The following EHBP1 variants were observed in gnomAD, a reference collection of about 807,000 sequenced individuals.
The protein encoded by EHBP1 is EH domain-binding protein 1.
A neutral mutation model predicts 144.0 loss-of-function variants in EHBP1; 55 were observed. The ratio of observed to expected loss-of-function variants is 0.38; its 90% confidence interval spans 0.31 to 0.48. The LOEUF is 0.48. Among genes scored for constraint, EHBP1 ranks in the 20% least tolerant of loss-of-function variants. EHBP1 has a pLI of 0.98. For missense variants in EHBP1, 1,200 were observed against 1,364.2 expected (o/e 0.88, Z 1.90); for synonymous variants, 469 against 472.7 (o/e 0.99, Z 0.10).
intron 1 of EHBP1, among the ~76,000 whole-genome samples, chr2:62,687,321 C>T (rs1291984776): frequency 6.6e-6 from 1 of 152,152 alleles, no homozygotes; most frequent in South Asian, 2.1e-4. Flanking sequence ...AGGTAGAAAA[C>T]CTTCGTTTTG....
intron 10 of EHBP1, among the ~76,000 whole-genome samples, chr2:62,878,409 C>G (rs2152860057): frequency 6.6e-6 from 1 of 152,234 alleles, no homozygotes; most frequent in East Asian, 1.9e-4. Context: ...GATAACCAAT[C>G]CTACTGAAAC....
rs540467180 is a variant in EHBP1 at position 62,813,719 on chromosome 2, G to A, written c.313-12368G>A. Among the ~76,000 whole-genome samples, 9 of 152,290 alleles carry A rather than the reference G, an allele frequency of 5.9e-5. No homozygotes were observed. The South Asian group carries it at 1.0e-3, about 18-fold the overall frequency. ...GGATGTGGAATGTGGAGCCAAAAGC[G>A]ATCATTCTTTAGCTTTAGGACTTAA... On this transcript the variant is annotated intron_variant, in intron 5 of 22. Transcript: ENST00000431489.
intron 15 of EHBP1, among the ~76,000 whole-genome samples, chr2:62,983,387 T>C (rs1290850432): frequency 6.6e-6 from 1 of 152,114 alleles, no homozygotes; most frequent in Non-Finnish European, 1.5e-5. Context: ...TACCTTGTTT[T>C]AAGATGATAT....
intron 13 of EHBP1, among the ~76,000 whole-genome samples, chr2:62,952,427 A>AT (rs2057440105): frequency 6.6e-6 from 1 of 152,198 alleles, no homozygotes; most frequent in Non-Finnish European, 1.5e-5. Flanking sequence ...AGTTTAATTG[A>AT]CAGCGTTTGT....
At chr2:62,982,091 A>G (rs1440964089) in intron 15 of EHBP1, among the ~76,000 whole-genome samples, 1 of 152,222 alleles carries the variant, frequency 6.6e-6, no homozygotes, top group Non-Finnish European at 1.5e-5. Context: ...CTCTGGCCTC[A>G]AGGTCTAAGC....
chr2:62,804,840 G>C lies in EHBP1; in HGVS notation c.313-21247G>C, dbSNP rs538625128. On this transcript the variant is annotated intron_variant, in intron 5 of 22. Coordinates refer to ENST00000431489, the MANE Select transcript of EHBP1 (RefSeq NM_001142616.3). ...GTGGTGGCATTAGATTCTCATAGGA[G>C]TGTGAACCCTATTGTGAGCTGTGCA... 5.1e-4 allele frequency among the ~76,000 whole-genome samples: 78 copies of C among 152,326 alleles called. No individual in the cohort carries two copies. The Middle Eastern group carries it at 0.014, about 27-fold the overall frequency.
chr2:63,003,659 T>G (rs1485190464), intron 19 of EHBP1, among the ~76,000 whole-genome samples: 1 of 152,072 alleles, frequency 6.6e-6, no homozygotes, highest in African/African-American at 2.4e-5. Context: ...AGTTTGAGAA[T>G]TCACTTTCTA....
chr2:62,959,749 G>A (rs2057904416), intron 14 of EHBP1, among the ~76,000 whole-genome samples: 1 of 152,044 alleles, frequency 6.6e-6, no homozygotes, highest in Non-Finnish European at 1.5e-5. Context: ...TTTGGTGAGG[G>A]GTGGCTAATG....
chr2:62,994,169 A>G (rs1051276537), intron 18 of EHBP1, 192 bp downstream of exon 18: 7 of 360,214 alleles, frequency 1.9e-5, no homozygotes, highest in Non-Finnish European at 3.6e-5. Context: ...ATAAAAAAAA[A>G]TGAATTTTTC....
intron 1 of EHBP1, among the ~76,000 whole-genome samples, chr2:62,685,444 A>C (rs1245436707): frequency 6.6e-6 from 1 of 151,906 alleles, no homozygotes; most frequent in Non-Finnish European, 1.5e-5. Flanking sequence ...TGATAGAAAC[A>C]ACACCCAAGT....
chr2:62,725,560 GT>G (rs1448117711), intron 2 of EHBP1, among the ~76,000 whole-genome samples: 1 of 152,192 alleles, frequency 6.6e-6, no homozygotes, highest in African/African-American at 2.4e-5. Context: ...GGAGTCTGCT[GT>G]TTTCTGCCTG....
At chr2:62,946,393 T>G (rs1189444726) in intron 12 of EHBP1, among the ~76,000 whole-genome samples, 2 of 152,220 alleles carry the variant, frequency 1.3e-5, no homozygotes, top group Admixed American at 6.5e-5. Flanking sequence ...CTTTGATGAT[T>G]CTATTCATTG....
intron 5 of EHBP1, among the ~76,000 whole-genome samples, chr2:62,798,934 G>A (rs1220807659): frequency 6.6e-6 from 1 of 150,830 alleles, no homozygotes; most frequent in Non-Finnish European, 1.5e-5. Context: ...AACCTGGGAG[G>A]CGGAGCTTGC....
intron 2 of EHBP1, among the ~76,000 whole-genome samples, chr2:62,725,889 G>A (rs2036735334): frequency 6.6e-6 from 1 of 152,100 alleles, no homozygotes; most frequent in South Asian, 2.1e-4. Context: ...CTGCCCTGCT[G>A]GAGCTCTCCA....
At chr2:62,901,336 T>G (rs549435262) in intron 10 of EHBP1, among the ~76,000 whole-genome samples, 1 of 152,300 alleles carries the variant, frequency 6.6e-6, no homozygotes, top group East Asian at 1.9e-4. Context: ...AAATTATAGA[T>G]TTGAGCTATA....
Position 62,948,752 on chromosome 2 carries a change from A to C in EHBP1, c.1906A>C (p.Ile636Leu). 1 of 1,614,142 alleles carries C rather than the reference A, an allele frequency of 6.2e-7. No homozygotes were observed. The highest frequency in any genetic ancestry group is 8.5e-7 in the Non-Finnish European group (1 of 1,180,004). Residue 636 changes from isoleucine to leucine, a missense_variant, in exon 13 of 23, where the codon ATA becomes CTA. Transcript: ENST00000431489. Reference protein sequence around the residue: ...GRTSGSDDPGICSNTDSTQAQ... With the variant: ...GRTSGSDDPGLCSNTDSTQAQ... ...GACTTCAGGATCTGATGACCCTGGA[A>C]TATGTTCCAATACAGATTCAACCCA...
At chr2:62,790,964 A>G (rs2043130264) in intron 5 of EHBP1, among the ~76,000 whole-genome samples, 2 of 152,076 alleles carry the variant, frequency 1.3e-5, no homozygotes, top group Non-Finnish European at 1.5e-5. Flanking sequence ...CTTAAAACCT[A>G]GTTTCCCAAT....
chr2:62,779,206 C>A (rs919110116), intron 5 of EHBP1, among the ~76,000 whole-genome samples: 1 of 152,116 alleles, frequency 6.6e-6, no homozygotes, highest in Non-Finnish European at 1.5e-5. Context: ...TGTTCCACCC[C>A]CTCTGGAAAT....
intron 19 of EHBP1, among the ~76,000 whole-genome samples, chr2:63,017,275 C>T (rs536853849): frequency 8.5e-5 from 13 of 152,318 alleles, no homozygotes; most frequent in African/African-American, 2.9e-4. Flanking sequence ...CTGCCTGCCT[C>T]GGCCTCCCAA....
Sources: allele counts gnomAD v4.1 joint callset (sites outside exome capture counted in the v4.1 genomes callset), GRCh38; gene constraint gnomAD v4.1.1; transcripts MANE v1.5; gene names NCBI Gene and HGNC (gene_info 2026-07-23, HGNC 2026-07-21).